Variants in PGR observed in about 807,000 individuals in gnomAD.
PGR encodes nuclear receptor subfamily 3 group C member 3.
Under a neutral mutation model 76.1 loss-of-function variants are expected in PGR, and 25 were observed. That is an observed-to-expected ratio of 0.33 (90% CI 0.24 to 0.46). PGR has a LOEUF of 0.46. PGR is among the 20% of genes least tolerant of loss of function. The probability of loss-of-function intolerance (pLI) is 1.00; values close to 1 mark genes in which losing one functional copy is unlikely to be tolerated. For missense variants in PGR, 1,172 were observed against 1,225.3 expected, an observed-to-expected ratio of 0.96 and a Z score of 0.65; for synonymous variants, 579 against 535.0, an observed-to-expected ratio of 1.08 and a Z score of -1.14.
At position 101,105,437 on chromosome 11, in the gene PGR, G is replaced by A. The variant is rs139603216; in HGVS notation, c.1790-13561C>T. Among the ~76,000 whole-genome samples the A allele has an allele frequency of 3.7e-3, 559 of 151,108 alleles. 2 individuals carry two copies. The highest frequency in any genetic ancestry group is 6.7e-3 in the Non-Finnish European group (458 of 67,938). On this transcript the variant is annotated intron_variant, in intron 2 of 7. Coordinates refer to ENST00000325455, the MANE Select transcript of PGR (RefSeq NM_000926.4). ...AGGTGGTGATAAGAGGTCAGGTTCT[G>A]GATGTTTTCTGAAGGAGGAGACAAT...
At chr11:101,056,887 T>C (rs1860314964) in intron 4 of PGR, among the ~76,000 whole-genome samples, 1 of 152,196 alleles carries the variant, frequency 6.6e-6, no homozygotes, top group South Asian at 2.1e-4. Flanking sequence ...TTAAGTATAA[T>C]CACCAACGTA....
At chr11:101,091,123 T>A (rs1176079541) in intron 3 of PGR, among the ~76,000 whole-genome samples, 1 of 152,212 alleles carries the variant, frequency 6.6e-6, no homozygotes, top group Non-Finnish European at 1.5e-5. Context: ...TGTGGCTCGC[T>A]TGATCTCCCT....
At chr11:101,112,201 T>C (rs532766045) in intron 2 of PGR, among the ~76,000 whole-genome samples, 1 of 152,234 alleles carries the variant, frequency 6.6e-6, no homozygotes, top group East Asian at 1.9e-4. Context: ...GAAGAAAATG[T>C]GTTAGAAGAG....
chr11:101,039,397 A>T (rs1859621218), intron 7 of PGR, 126 bp from the exon 8 acceptor site: 1 of 744,796 alleles, frequency 1.3e-6, no homozygotes, highest in Non-Finnish European at 2.3e-6. Context: ...TTTTTTTCTT[A>T]CCATAGTGAA....
At chr11:101,073,193 T>A (rs980302951) in intron 3 of PGR, among the ~76,000 whole-genome samples, 4 of 152,164 alleles carry the variant, frequency 2.6e-5, no homozygotes, top group Non-Finnish European at 5.9e-5. Flanking sequence ...CACAACTACA[T>A]GGAAACTGAA....
rs1398719719 is a variant in PGR at position 101,037,007 on chromosome 11, T to G, written c.*2109A>C. 3 of 197,316 alleles carry G rather than the reference T, an allele frequency of 1.5e-5. No individual in the cohort carries two copies. In the East Asian group the frequency reaches 2.4e-4, roughly 16 times the overall value. 12.2% of individuals were successfully genotyped at this position (197,316 alleles called of 1,614,324 possible). On this transcript the variant is annotated 3_prime_UTR_variant, in exon 8 of 8. Coordinates refer to ENST00000325455, the MANE Select transcript of PGR (RefSeq NM_000926.4). ...TTGGATAGACCTACATTCATTTTCT[T>G]GTGTCACACAGTTCATTCTGAGAGG...
At chr11:101,110,510 A>G (rs992348896) in intron 2 of PGR, among the ~76,000 whole-genome samples, 1 of 152,206 alleles carries the variant, frequency 6.6e-6, no homozygotes, top group Non-Finnish European at 1.5e-5. Context: ...AATTGCTAAA[A>G]TCTCATAAAA....
At position 101,127,542 on chromosome 11, in the gene PGR, G is replaced by T. The variant is rs1565372300; in HGVS notation, c.1529C>A (p.Ala510Glu). Residue 510 changes from alanine to glutamate, a missense_variant, in exon 1 of 8, where the codon GCG becomes GAG. Transcript: ENST00000325455. ...GTTGAGGCCGAGTGCAGGGTAGAGC[G>T]CGGGGGCCGCCCCGGCGGCGGCGGC... ...ASAAAAGAAP[A>E]LYPALGLNGL... The T allele has an allele frequency of 3.5e-6, 5 of 1,421,426 alleles. No homozygotes were observed. The highest frequency in any genetic ancestry group is 4.6e-6 in the Non-Finnish European group (5 of 1,086,316). 88.1% of individuals were successfully genotyped at this position (1,421,426 alleles called of 1,614,324 possible). A position where few individuals can be genotyped will look rare whatever the true frequency, so the allele number is the denominator to read the frequency against.
intron 6 of PGR, among the ~76,000 whole-genome samples, chr11:101,047,965 T>C (rs1394535250): frequency 2.0e-5 from 3 of 152,340 alleles, no homozygotes; most frequent in African/African-American, 7.2e-5. Flanking sequence ...AGCTAGACTG[T>C]ATTTCCCAGC....
intron 2 of PGR, among the ~76,000 whole-genome samples, chr11:101,094,500 T>C (rs1380950604): frequency 6.6e-6 from 1 of 152,194 alleles, no homozygotes; most frequent in Non-Finnish European, 1.5e-5. Context: ...TGCTTATTCC[T>C]TATATGTGGT....
intron 4 of PGR, among the ~76,000 whole-genome samples, chr11:101,058,626 T>A (rs938566715): frequency 1.3e-5 from 2 of 152,194 alleles, no homozygotes; most frequent in African/African-American, 4.8e-5. Flanking sequence ...AACTGAAATA[T>A]CAAGACAAAA....
chr11:101,044,663 T>C (rs1365434197), intron 6 of PGR, among the ~76,000 whole-genome samples: 1 of 150,816 alleles, frequency 6.6e-6, no homozygotes, highest in Non-Finnish European at 1.5e-5. Flanking sequence ...ACTGGAACAC[T>C]GAGAGGCCAT....
At chr11:101,071,509 C>T (rs924853549) in intron 3 of PGR, among the ~76,000 whole-genome samples, 12 of 151,482 alleles carry the variant, frequency 7.9e-5, no homozygotes, top group Admixed American at 2.6e-4. Context: ...CTTCAGGAGG[C>T]GGGTAATGAC....
At position 101,051,604 on chromosome 11, in the gene PGR, A is replaced by G. The variant is rs760850041; in HGVS notation, c.2213-36T>C. The G allele has an allele frequency of 1.8e-5, 27 of 1,465,306 alleles. No individual in the cohort carries two copies. The African/African-American group carries it at 3.5e-4, about 19-fold the overall frequency. 90.8% of individuals were successfully genotyped at this position (1,465,306 alleles called of 1,614,324 possible). A position where few individuals can be genotyped will look rare whatever the true frequency, so the allele number is the denominator to read the frequency against. The stretch of plus-strand genomic sequence containing the variant: ...AATTTAAAAATACAGTGACCATAAA[A>G]ATGACTGAATTATCTCAAAAATGTT... On this transcript the variant is annotated intron_variant, in intron 4 of 7. Transcript: ENST00000325455.
intron 3 of PGR, among the ~76,000 whole-genome samples, chr11:101,088,717 G>A (rs600837): frequency 0.17 from 25,190 of 152,030 alleles, 2,399 homozygotes; most frequent in African/African-American, 0.27. Context: ...TGTTCTACTA[G>A]AAAGACACAT....
At chr11:101,096,751 T>G (rs1255372199) in intron 2 of PGR, among the ~76,000 whole-genome samples, 4 of 152,340 alleles carry the variant, frequency 2.6e-5, no homozygotes, top group African/African-American at 9.6e-5. Context: ...AACACATCCC[T>G]GTCTAGATCC....
chr11:101,049,861 T>C (rs559809506), intron 6 of PGR, 68 bp downstream of exon 6: 283 of 1,342,418 alleles, frequency 2.1e-4, no homozygotes, highest in Non-Finnish European at 2.8e-4. Context: ...TATAATCATA[T>C]TGTTTGCAAC....
At chr11:101,081,292 G>T (rs973314104) in intron 3 of PGR, among the ~76,000 whole-genome samples, 1 of 151,978 alleles carries the variant, frequency 6.6e-6, no homozygotes, top group South Asian at 2.1e-4. Flanking sequence ...AGCCAGACAC[G>T]GTGGCAGGCA....
chr11:101,107,329 T>C (rs1202138999), intron 2 of PGR, among the ~76,000 whole-genome samples: 1 of 152,216 alleles, frequency 6.6e-6, no homozygotes, highest in Non-Finnish European at 1.5e-5. Context: ...CTGAAGCTGT[T>C]CTGCTCCTCT....
Sources: gnomAD v4.1 joint callset for allele counts (sites outside exome capture counted in the v4.1 genomes callset) on GRCh38, gnomAD v4.1.1 for gene constraint, MANE v1.5 for transcripts, NCBI Gene and HGNC (gene_info 2026-07-23, HGNC 2026-07-21) for gene names.